EGFR: variants seen among roughly 807,000 people sequenced by gnomAD.
The protein encoded by EGFR is epidermal growth factor receptor.
Under a neutral mutation model 143.0 loss-of-function variants are expected in EGFR, and 58 were observed. That is an observed-to-expected ratio of 0.41 (90% confidence interval 0.33 to 0.50). EGFR has a LOEUF of 0.50. EGFR is among the 20% of genes least tolerant of loss of function. EGFR has a pLI of 0.39. For missense variants in EGFR, 1,307 were observed against 1,579.0 expected (o/e 0.83, Z 2.92); for synonymous variants, 613 against 594.4 (o/e 1.03, Z -0.45).
intron 5 of EGFR, among the ~76,000 whole-genome samples, 178 bp downstream of exon 5, chr7:55,151,540 G>C (rs1785151255): frequency 6.6e-6 from 1 of 152,210 alleles, no homozygotes; most frequent in Non-Finnish European, 1.5e-5. Flanking sequence ...AGTTAATCCA[G>C]GGTGGGCTAT....
chr7:55,036,870 G>T (rs2128867043), intron 1 of EGFR, among the ~76,000 whole-genome samples: 1 of 152,250 alleles, frequency 6.6e-6, no homozygotes, highest in South Asian at 2.1e-4. Flanking sequence ...TGCAGAAACT[G>T]CAGAAGGACA....
At chr7:55,155,338 AG>A (rs1327573675) in intron 7 of EGFR, among the ~76,000 whole-genome samples, 1 of 152,216 alleles carries the variant, frequency 6.6e-6, no homozygotes, top group Non-Finnish European at 1.5e-5. Flanking sequence ...GCCGCTCAGG[AG>A]GCTGAGGCAG....
intron 21 of EGFR, 144 bp from the exon 22 acceptor site, chr7:55,192,622 G>C: frequency 1.3e-6 from 1 of 742,574 alleles, no homozygotes; most frequent in South Asian, 1.5e-5. Flanking sequence ...TTGCCGGGAG[G>C]AGGCGCCGGG....
rs1787455165 is a variant in EGFR at position 55,192,748 on chromosome 7, ATC to A, written c.2626-13_2626-12del. ...AAACTAATAGTTGTCTCACTGCCTCATCTCTCACCATCCCAAGGTGCCTATCA... is the reference window on the plus strand; with the variant it reads ...AAACTAATAGTTGTCTCACTGCCTCATCTCACCATCCCAAGGTGCCTATCA... On this transcript the variant is annotated splice_polypyrimidine_tract_variant and intron_variant, in intron 21 of 27. Transcript: ENST00000275493. The A allele has an allele frequency of 1.9e-6, 3 of 1,611,858 alleles. No individual in the cohort carries two copies. Among genetic ancestry groups the A allele is most frequent in the Non-Finnish European group, 2.5e-6 (3 of 1,177,908 alleles).
chr7:55,160,094 T>C (rs781776772), intron 11 of EGFR, 45 bp from the exon 12 acceptor site: 5 of 1,607,942 alleles, frequency 3.1e-6, no homozygotes, highest in Non-Finnish European at 4.3e-6. Flanking sequence ...GGATACATTG[T>C]TTTTATAATT....
At chr7:55,135,771 A>G (rs190062153) in intron 1 of EGFR, among the ~76,000 whole-genome samples, 41 of 152,338 alleles carry the variant, frequency 2.7e-4, no homozygotes, top group Admixed American at 1.5e-3. Flanking sequence ...GTCACAATTT[A>G]TAAAATTTTT....
intron 4 of EGFR, among the ~76,000 whole-genome samples, chr7:55,149,504 C>T (rs929203199): frequency 1.3e-5 from 2 of 152,110 alleles, no homozygotes. Context: ...ATTTGGGTTC[C>T]TTTTGCTTTT....
chr7:55,136,073 C>T (rs980492411), intron 1 of EGFR, among the ~76,000 whole-genome samples: 53 of 152,108 alleles, frequency 3.5e-4, no homozygotes, highest in African/African-American at 1.2e-3. Flanking sequence ...GTCATGCTTC[C>T]GTGCATTTGA....
chr7:55,204,610 C>CCA (rs752504162), intron 27 of EGFR, among the ~76,000 whole-genome samples: 1 of 136,492 alleles, frequency 7.3e-6, no homozygotes, highest in Admixed American at 7.3e-5. Flanking sequence ...CGTACACACA[C>CCA]CACACACACA....
intron 23 of EGFR, among the ~76,000 whole-genome samples, chr7:55,199,160 C>T (rs1298661519): frequency 6.6e-6 from 1 of 152,124 alleles, no homozygotes; most frequent in East Asian, 1.9e-4. Context: ...AATGAAATAC[C>T]GAGTTGCCCT....
chr7:55,124,752 C>T lies in EGFR; in HGVS notation c.89-17534C>T, dbSNP rs1793422709. Among the ~76,000 whole-genome samples, 4 of 152,332 alleles carry T rather than the reference C, an allele frequency of 2.6e-5. No homozygotes were observed. In the South Asian group the frequency reaches 8.3e-4, roughly 32 times the overall value. ...CAGGCTGGCTGCCCCACATGCCTTGCTCCACACCAAATTCACAGTCTATAA... is the reference window on the plus strand; with the variant it reads ...CAGGCTGGCTGCCCCACATGCCTTGTTCCACACCAAATTCACAGTCTATAA... On this transcript the variant is annotated intron_variant, in intron 1 of 27. Transcript: ENST00000275493.
At chr7:55,149,295 A>G (rs1794914503) in intron 4 of EGFR, among the ~76,000 whole-genome samples, 1 of 152,114 alleles carries the variant, frequency 6.6e-6, no homozygotes, top group Non-Finnish European at 1.5e-5. Context: ...AAAAAGATGA[A>G]TCTCTTAATA....
intron 1 of EGFR, among the ~76,000 whole-genome samples, chr7:55,109,057 G>C (rs1792308642): frequency 6.6e-6 from 1 of 152,174 alleles, no homozygotes; most frequent in South Asian, 2.1e-4. Flanking sequence ...GGCTGCAAGG[G>C]AGAAGGTGGG....
At chr7:55,156,070 T>C in intron 8 of EGFR, 124 bp downstream of exon 8, 1 of 774,308 alleles carries the variant, frequency 1.3e-6, no homozygotes, top group Non-Finnish European at 2.2e-6. Context: ...TATCGTTTCT[T>C]TAAAACAGAA....
intron 19 of EGFR, among the ~76,000 whole-genome samples, chr7:55,179,331 G>A (rs1276727013): frequency 6.6e-6 from 1 of 152,222 alleles, no homozygotes; most frequent in African/African-American, 2.4e-5. Flanking sequence ...CCTGGGGGCG[G>A]GACCCAAGAA....
At chr7:55,077,671 T>G (rs180878052) in intron 1 of EGFR, among the ~76,000 whole-genome samples, 5 of 152,240 alleles carry the variant, frequency 3.3e-5, no homozygotes, top group African/African-American at 9.6e-5. Flanking sequence ...AGACCAAGAC[T>G]GCTAGAGAAC....
At chr7:55,024,081 T>G (rs115885668) in intron 1 of EGFR, among the ~76,000 whole-genome samples, 2,166 of 152,316 alleles carry the variant, frequency 0.014, 56 homozygotes, top group African/African-American at 0.05. Context: ...GATAAAGCTT[T>G]CTTGCTACAC....
chr7:55,063,858 A>G (rs1240967116), intron 1 of EGFR, among the ~76,000 whole-genome samples: 1 of 152,190 alleles, frequency 6.6e-6, no homozygotes, highest in Non-Finnish European at 1.5e-5. Flanking sequence ...TCACTTCTGA[A>G]AAGAAAAATT....
At chr7:55,121,106 T>C (rs1793175614) in intron 1 of EGFR, among the ~76,000 whole-genome samples, 1 of 152,184 alleles carries the variant, frequency 6.6e-6, no homozygotes. Flanking sequence ...AAGTGTGTCA[T>C]ACTGTGCAGG....
Sources: allele counts gnomAD v4.1 joint callset (sites outside exome capture counted in the v4.1 genomes callset), GRCh38; gene constraint gnomAD v4.1.1; transcripts MANE v1.5; gene names NCBI Gene and HGNC (gene_info 2026-07-23, HGNC 2026-07-21).